NPEPPS: variants seen among roughly 807,000 people sequenced by gnomAD.
NPEPPS encodes aminopeptidase puromycin sensitive.
A neutral mutation model predicts 115.5 loss-of-function variants in NPEPPS; 14 were observed. The ratio of observed to expected loss-of-function variants is 0.12; its 90% CI spans 0.08 to 0.19. The LOEUF (loss-of-function observed/expected upper bound fraction) is 0.19. Ranked by LOEUF, NPEPPS falls within the 10% of genes least tolerant of loss-of-function variation. The pLI, the probability that NPEPPS is intolerant of heterozygous loss-of-function variation, is 1.00. For missense variants in NPEPPS, 523 were observed against 1,110.8 expected, an observed-to-expected ratio of 0.47 and a Z score of 7.52; for synonymous variants, 285 against 390.6, an observed-to-expected ratio of 0.73 and a Z score of 3.19.
chr17:47,596,108 A>G, intron 12 of NPEPPS: 1 of 295,950 alleles, frequency 3.4e-6, no homozygotes, highest in Non-Finnish European at 6.4e-6. Flanking sequence ...AGCTGTGATT[A>G]TGCCACTGCA....
intron 13 of NPEPPS, among the ~76,000 whole-genome samples, chr17:47,596,832 G>A (rs1912905830): frequency 6.6e-6 from 1 of 152,190 alleles, no homozygotes; most frequent in South Asian, 2.1e-4. Flanking sequence ...TGGATCACTT[G>A]AGGTCGGGAG....
chr17:47,619,845 T>C, intron 22 of NPEPPS, 61 bp downstream of exon 22: 1 of 1,267,730 alleles, frequency 7.9e-7, no homozygotes, highest in South Asian at 1.2e-5. Flanking sequence ...AATAACCTGG[T>C]TGTAATTATA....
chr17:47,591,253 C>T (rs1279151183), intron 10 of NPEPPS, among the ~76,000 whole-genome samples: 1 of 151,810 alleles, frequency 6.6e-6, no homozygotes, highest in East Asian at 1.9e-4. Context: ...TGCCTGTAAT[C>T]CCAGCTACTC....
chr17:47,529,215 A>G (rs181445084), upstream of NPEPPS, among the ~76,000 whole-genome samples: 130 of 152,270 alleles, frequency 8.5e-4, no homozygotes, highest in African/African-American at 3.1e-3. Context: ...TTGACACTTT[A>G]AATAACATTT....
intron 22 of NPEPPS, 167 bp downstream of exon 22, chr17:47,619,951 G>A (rs1159002953): frequency 1.7e-6 from 1 of 574,936 alleles, no homozygotes; most frequent in Non-Finnish European, 3.1e-6. Flanking sequence ...TCCTAAAAAT[G>A]GCCAGGCATG....
intron 3 of NPEPPS, among the ~76,000 whole-genome samples, chr17:47,577,851 T>G (rs963644597): frequency 6.6e-6 from 1 of 152,158 alleles, no homozygotes; most frequent in Non-Finnish European, 1.5e-5. Flanking sequence ...TAACTTTTGG[T>G]CCTTTCCAAA....
chr17:47,533,282 C>T (rs1330293712), intron 1 of NPEPPS, among the ~76,000 whole-genome samples: 2 of 151,844 alleles, frequency 1.3e-5, no homozygotes, highest in African/African-American at 2.4e-5. Context: ...AAAATTTTTC[C>T]ATTAAGAATA....
chr17:47,612,465 C>G lies in NPEPPS; in HGVS notation c.2101C>G (p.Leu701Val). The change falls in exon 18 of 23, where the codon CTC becomes GTC. Residue 701 changes from leucine to valine, a missense_variant. Leu to Val is a conservative substitution (Grantham distance 32). This residue lies in a region of NPEPPS where 372 missense variants were observed against 542.6 expected (regional missense o/e 0.69). Coordinates refer to ENST00000322157, the MANE Select transcript of NPEPPS (RefSeq NM_006310.4). Reference protein sequence around the residue: ...GWDPKPGEGHLDALLRGLVLG... With the variant: ...GWDPKPGEGHVDALLRGLVLG... ...TCTTTTACTTCTCAAATCAGGTCATCTCGATGCACTCCTGAGGGGCTTGGT... is the reference window on the plus strand; with the variant it reads ...TCTTTTACTTCTCAAATCAGGTCATGTCGATGCACTCCTGAGGGGCTTGGT... The G allele has an allele frequency of 6.2e-7, 1 of 1,613,754 alleles. No individual in the cohort carries two copies. Among genetic ancestry groups the G allele is most frequent in the Non-Finnish European group, 8.5e-7 (1 of 1,179,818 alleles).
intron 2 of NPEPPS, among the ~76,000 whole-genome samples, chr17:47,549,553 G>A (rs1909483307): frequency 6.6e-6 from 1 of 151,966 alleles, no homozygotes; most frequent in African/African-American, 2.4e-5. Flanking sequence ...GGCTAGGTGG[G>A]CGGATCACCT....
At chr17:47,547,505 C>T (rs971590698) in intron 2 of NPEPPS, among the ~76,000 whole-genome samples, 2 of 152,032 alleles carry the variant, frequency 1.3e-5, no homozygotes, top group Non-Finnish European at 2.9e-5. Flanking sequence ...ACCACCATGC[C>T]TGGCTAATAT....
At chr17:47,588,532 C>T (rs915608616) in intron 9 of NPEPPS, among the ~76,000 whole-genome samples, 3 of 151,816 alleles carry the variant, frequency 2.0e-5, no homozygotes, top group Non-Finnish European at 4.4e-5. Context: ...CCACTGCACT[C>T]CAGCCTGGGC....
chr17:47,611,718 T>C (rs990738409), intron 17 of NPEPPS, among the ~76,000 whole-genome samples: 3 of 152,176 alleles, frequency 2.0e-5, no homozygotes, highest in African/African-American at 7.2e-5. Flanking sequence ...AGCGATCCTC[T>C]TGCCTTGGCA....
At chr17:47,524,573 C>G (rs1007504500) in intron 1 of NPEPPS, among the ~76,000 whole-genome samples, 2 of 151,750 alleles carry the variant, frequency 1.3e-5, no homozygotes, top group Non-Finnish European at 1.5e-5. Flanking sequence ...TGGCTCACTG[C>G]AAGCTCTGCC....
chr17:47,587,780 G>A (rs562910729), intron 9 of NPEPPS, among the ~76,000 whole-genome samples: 1 of 152,148 alleles, frequency 6.6e-6, no homozygotes, highest in Non-Finnish European at 1.5e-5. Context: ...TTAGGAGTCA[G>A]TTTTTTCATT....
chr17:47,601,954 A>G (rs1913224916), intron 15 of NPEPPS: 2 of 544,126 alleles, frequency 3.7e-6, no homozygotes, highest in Non-Finnish European at 3.1e-6. Flanking sequence ...ATCCAAAGGC[A>G]TAGGACTAAG....
chr17:47,524,970 G>A (rs1376431248), intron 1 of NPEPPS, among the ~76,000 whole-genome samples: 5 of 151,504 alleles, frequency 3.3e-5, no homozygotes, highest in Non-Finnish European at 4.4e-5. Flanking sequence ...GATTTTCAAA[G>A]GTGTGGTAAA....
chr17:47,588,865 G>A (rs951957779), intron 9 of NPEPPS, among the ~76,000 whole-genome samples: 1 of 152,084 alleles, frequency 6.6e-6, no homozygotes, highest in Non-Finnish European at 1.5e-5. Flanking sequence ...TTCATTTTAT[G>A]CTAGTTTATT....
chr17:47,543,887 GTTTGTTTATTTATTTA>G (rs1359844041), intron 1 of NPEPPS, among the ~76,000 whole-genome samples: 45 of 126,542 alleles, frequency 3.6e-4, no homozygotes, highest in African/African-American at 9.4e-4. Flanking sequence ...TTGTTTGTTT[GTTTGTTTATTTATTTA>G]TTTATTTTTG....
intron 17 of NPEPPS, 26 bp from the exon 18 acceptor site, chr17:47,612,434 T>A (rs1279661276): frequency 6.2e-7 from 1 of 1,612,046 alleles, no homozygotes; most frequent in South Asian, 1.1e-5. Flanking sequence ...TAAGTAGTCT[T>A]ATGTCTCTTT....
Sources: allele counts gnomAD v4.1 joint callset (sites outside exome capture counted in the v4.1 genomes callset), GRCh38; gene constraint gnomAD v4.1.1; regional missense constraint gnomAD v4.1.1; transcripts MANE v1.5; gene names NCBI Gene and HGNC (gene_info 2026-07-23, HGNC 2026-07-21).